ABCA13: variants seen among roughly 807,000 people sequenced by gnomAD.
The protein encoded by ABCA13 is ATP binding cassette subfamily A member 13.
A neutral mutation model predicts 478.7 loss-of-function variants in ABCA13; 476 were observed. The ratio of observed to expected loss-of-function variants is 0.99; its 90% CI spans 0.92 to 1.07. The LOEUF is 1.07. ABCA13 is among the 50% of genes least tolerant of loss of function. The pLI is 0.00. For synonymous variants in ABCA13, 2,252 were observed against 2,158.9 expected, an observed-to-expected ratio of 1.04 and a Z score of -1.20; for missense variants, 6,060 against 5,910.6, an observed-to-expected ratio of 1.03 and a Z score of -0.83.
At chr7:48,372,598 G>A in intron 33 of ABCA13, 101 bp downstream of exon 33, 2 of 984,794 alleles carry the variant, frequency 2.0e-6, no homozygotes, top group East Asian at 2.6e-5. Flanking sequence ...AATTTGTCAT[G>A]TTCATATCTA....
chr7:48,560,778 G>A (rs530000309), intron 55 of ABCA13, among the ~76,000 whole-genome samples: 2 of 152,260 alleles, frequency 1.3e-5, no homozygotes, highest in South Asian at 2.1e-4. Flanking sequence ...AGCATGTTGT[G>A]CAATAGATCT....
chr7:48,355,673 G>T (rs1261281447), intron 31 of ABCA13, among the ~76,000 whole-genome samples: 1 of 152,008 alleles, frequency 6.6e-6, no homozygotes, highest in Non-Finnish European at 1.5e-5. Context: ...CTGGTAAAAA[G>T]TGGTCTGATT....
intron 15 of ABCA13, among the ~76,000 whole-genome samples, chr7:48,253,027 C>G (rs1792809469): frequency 6.6e-6 from 1 of 152,150 alleles, no homozygotes; most frequent in Non-Finnish European, 1.5e-5. Flanking sequence ...ATGTGTATTC[C>G]CTAAGCCTAA....
At chr7:48,180,598 T>G in intron 1 of ABCA13, among the ~76,000 whole-genome samples, 1 of 152,082 alleles carries the variant, frequency 6.6e-6, no homozygotes, top group East Asian at 1.9e-4. Context: ...TTTTTTTTTT[T>G]GTATTTTTAG....
At chr7:48,429,317 C>T (rs771705325) in intron 42 of ABCA13, among the ~76,000 whole-genome samples, 4 of 152,144 alleles carry the variant, frequency 2.6e-5, no homozygotes, top group Non-Finnish European at 5.9e-5. Flanking sequence ...ATTGCTGAAT[C>T]ATATGTTTCA....
At chr7:48,294,318 T>C (rs2128823848) in intron 20 of ABCA13, among the ~76,000 whole-genome samples, 1 of 152,230 alleles carries the variant, frequency 6.6e-6, no homozygotes, top group Non-Finnish European at 1.5e-5. Flanking sequence ...ATTAATTCTC[T>C]AGATGTGTTC....
intron 38 of ABCA13, among the ~76,000 whole-genome samples, chr7:48,403,318 A>G (rs865797145): frequency 8.5e-5 from 13 of 152,208 alleles, no homozygotes; most frequent in Admixed American, 2.6e-4. Context: ...ACACTGGTAC[A>G]TCAGCCATTC....
intron 1 of ABCA13, among the ~76,000 whole-genome samples, chr7:48,184,540 C>T (rs1796111436): frequency 6.6e-6 from 1 of 152,126 alleles, no homozygotes; most frequent in Admixed American, 6.5e-5. Flanking sequence ...TTACTTTTGG[C>T]CAGGTGTGAT....
chr7:48,519,322 A>G (rs1832364038), intron 52 of ABCA13, among the ~76,000 whole-genome samples: 1 of 152,184 alleles, frequency 6.6e-6, no homozygotes, highest in Non-Finnish European at 1.5e-5. Context: ...TATACCCAGT[A>G]ATGAGATTGC....
At chr7:48,520,333 C>T (rs1445763662) in intron 53 of ABCA13, 39 bp downstream of exon 53, 2 of 1,540,716 alleles carry the variant, frequency 1.3e-6, no homozygotes, top group Non-Finnish European at 1.7e-6. Flanking sequence ...TGCACTTACT[C>T]CTGCAAAATG....
In ABCA13 at chr7:48,350,657, G is replaced by A; in HGVS notation, c.10219G>A (p.Glu3407Lys). Residue 3407 changes from glutamate to lysine, a missense_variant, in exon 30 of 62, where the codon GAG (glutamate) becomes AAG (lysine). Glu to Lys is a moderately conservative substitution (Grantham distance 56). Transcript: ENST00000435803. Reference sequence around the variant, plus strand: ...ACTTTCCTCAGGAGGGCTGCTGGATGAGATGTTTAACCATGCAGGCGCTGG... The same window carrying A: ...ACTTTCCTCAGGAGGGCTGCTGGATAAGATGTTTAACCATGCAGGCGCTGG... ...KLQTYGGLLDEMFNHAGAGRF... is the reference protein window; with the variant it reads ...KLQTYGGLLDKMFNHAGAGRF... 6.2e-7 allele frequency: 1 copy of A among 1,613,204 alleles called. No individual in the cohort carries two copies. Among genetic ancestry groups the A allele is most frequent in the Non-Finnish European group, 8.5e-7 (1 of 1,179,414 alleles).
In ABCA13 at chr7:48,278,397, C is replaced by A; in HGVS notation, c.7203C>A (p.Asp2401Glu). 1 of 1,613,820 alleles carries A rather than the reference C, an allele frequency of 6.2e-7. No individual in the cohort carries two copies. Among genetic ancestry groups the A allele is most frequent in the Non-Finnish European group, 8.5e-7 (1 of 1,179,842 alleles). Residue 2401 changes from aspartate to glutamate, a missense_variant, in exon 18 of 62, where the codon GAC (aspartate) becomes GAA (glutamate). Coordinates refer to ENST00000435803, the MANE Select transcript of ABCA13 (RefSeq NM_152701.5). ...QLFFHVNKSE[D>E]LFKLNQDLGS... ...TTTTCCATGTGAATAAGTCTGAGGA[C>A]CTCTTCAAACTCAATCAAGATCTTG... is the stretch of plus-strand genomic sequence containing the variant.
Position 48,239,205 on chromosome 7 carries a change from G to A in ABCA13, c.898-36G>A, listed in dbSNP as rs761639177. 3 of 1,609,094 alleles carry A rather than the reference G, an allele frequency of 1.9e-6. No homozygotes were observed. In the South Asian group the frequency reaches 3.3e-5, roughly 18 times the overall value. Reference sequence around the variant, plus strand: ...AGAAGAGGAAGGTTCTAGGAAAGGAGCTTTATGTCTAAATATTTTTTCATA... The same window carrying A: ...AGAAGAGGAAGGTTCTAGGAAAGGAACTTTATGTCTAAATATTTTTTCATA... On this transcript the variant is annotated intron_variant, in intron 8 of 61. Transcript: ENST00000435803.
chr7:48,231,080 G>T (rs541512704), intron 7 of ABCA13, among the ~76,000 whole-genome samples: 1 of 151,738 alleles, frequency 6.6e-6, no homozygotes, highest in Admixed American at 6.6e-5. Context: ...CTAGATGATG[G>T]GTTGATAGGT....
At chr7:48,631,528 C>A (rs530108461) in intron 59 of ABCA13, among the ~76,000 whole-genome samples, 1 of 151,966 alleles carries the variant, frequency 6.6e-6, no homozygotes, top group East Asian at 1.9e-4. Context: ...GTTTTTGTAC[C>A]AGTACCATGA....
At chr7:48,323,502 A>T (rs1431639456) in intron 27 of ABCA13, among the ~76,000 whole-genome samples, 5 of 152,246 alleles carry the variant, frequency 3.3e-5, no homozygotes, top group Admixed American at 6.5e-5. Flanking sequence ...GGTGGGTGCC[A>T]TCAAGAAGAT....
chr7:48,631,805 G>T (rs1318585344), intron 59 of ABCA13, among the ~76,000 whole-genome samples: 6 of 152,008 alleles, frequency 3.9e-5, no homozygotes, highest in Non-Finnish European at 8.8e-5. Flanking sequence ...CCATAAGCAT[G>T]GGATGTATTT....
chr7:48,239,428 T>C, intron 9 of ABCA13, 23 bp downstream of exon 9: 1 of 1,598,310 alleles, frequency 6.3e-7, no homozygotes, highest in Non-Finnish European at 8.5e-7. Flanking sequence ...CTCTCTATGT[T>C]CTGTTCAAAG....
chr7:48,374,948 G>A (rs1185363582), intron 34 of ABCA13, among the ~76,000 whole-genome samples: 1 of 152,122 alleles, frequency 6.6e-6, no homozygotes, highest in East Asian at 1.9e-4. Context: ...TCTCATAGGA[G>A]CCTGAACGTT....
Sources: gnomAD v4.1 joint callset for allele counts (sites outside exome capture counted in the v4.1 genomes callset) on GRCh38, gnomAD v4.1.1 for gene constraint, MANE v1.5 for transcripts, NCBI Gene and HGNC (gene_info 2026-07-23, HGNC 2026-07-21) for gene names.